WASF3: variants seen among roughly 807,000 people sequenced by gnomAD.
WASF3 encodes the protein actin-binding protein WASF3.
Under a neutral mutation model 46.6 loss-of-function variants are expected in WASF3, and 11 were observed. The observed-to-expected ratio is 0.24, with a 90% CI of 0.15 to 0.39. The LOEUF is 0.39. WASF3 is among the 10% of genes least tolerant of loss of function. WASF3 has a pLI of 1.00. For synonymous variants in WASF3, 242 were observed against 259.7 expected (o/e 0.93, Z 0.65); for missense variants, 576 against 669.8 (o/e 0.86, Z 1.55).
rs1027583148 is a variant in WASF3 at position 26,563,105 on chromosome 13, T to A, written c.-109+5286T>A. ...CTCCAGGTCGTGATGTCTTTGTGGCTGACTGTCCTCCTTTGCTGTCCTGTT... is the reference window on the plus strand; with the variant it reads ...CTCCAGGTCGTGATGTCTTTGTGGCAGACTGTCCTCCTTTGCTGTCCTGTT... On this transcript the variant is annotated intron_variant, in intron 1 of 9. Coordinates refer to ENST00000335327, the MANE Select transcript of WASF3 (RefSeq NM_006646.6). Among the ~76,000 whole-genome samples, 3 of 151,864 alleles carry A rather than the reference T, an allele frequency of 2.0e-5. No individual in the cohort carries two copies. The South Asian group carries it at 6.2e-4, about 32-fold the overall frequency.
At chr13:26,610,903 A>G (rs1005651950) in intron 1 of WASF3, among the ~76,000 whole-genome samples, 3 of 152,180 alleles carry the variant, frequency 2.0e-5, no homozygotes, top group South Asian at 2.1e-4. Context: ...CACAAAGTCT[A>G]GTTAATTCTT....
intron 1 of WASF3, among the ~76,000 whole-genome samples, chr13:26,562,528 G>A (rs560915978): frequency 6.6e-6 from 1 of 152,250 alleles, no homozygotes; most frequent in South Asian, 2.1e-4. Context: ...GGCAGATAAA[G>A]GGGGAACCCT....
At chr13:26,563,499 A>G (rs1879365211) in intron 1 of WASF3, among the ~76,000 whole-genome samples, 1 of 152,016 alleles carries the variant, frequency 6.6e-6, no homozygotes, top group Non-Finnish European at 1.5e-5. Flanking sequence ...TACTAAAAAT[A>G]CAAAAATTAG....
At chr13:26,645,186 A>C (rs1403225145) in intron 3 of WASF3, among the ~76,000 whole-genome samples, 1 of 152,150 alleles carries the variant, frequency 6.6e-6, no homozygotes, top group East Asian at 1.9e-4. Flanking sequence ...AGAGGTCATG[A>C]GGTGGAGTCC....
intron 2 of WASF3, among the ~76,000 whole-genome samples, chr13:26,615,651 A>G (rs1026659429): frequency 6.6e-6 from 1 of 152,188 alleles, no homozygotes; most frequent in Non-Finnish European, 1.5e-5. Flanking sequence ...TAATTGACAT[A>G]CAGTAAACTA....
In WASF3 at chr13:26,682,072, G is replaced by T. The variant is rs1014610945; in HGVS notation, c.984-535G>T. 1.3e-5 allele frequency among the ~76,000 whole-genome samples: 2 copies of T among 152,204 alleles called. No homozygotes were observed. The highest frequency in any genetic ancestry group is 2.9e-5 in the Non-Finnish European group (2 of 68,032). On this transcript the variant is annotated intron_variant, in intron 8 of 9. Coordinates refer to ENST00000335327, the MANE Select transcript of WASF3 (RefSeq NM_006646.6). This position sits in a 1 kb window ranked among gnomAD's most constrained non-coding sequence, Gnocchi z 4.4. ...TGAGGCTGTGTCAGGCCAAGAGAGG[G>T]CCCATGGTCCAGTTAGTTTGGAAGA...
chr13:26,590,087 AT>A (rs1178052856), intron 1 of WASF3, among the ~76,000 whole-genome samples: 1 of 152,186 alleles, frequency 6.6e-6, no homozygotes, highest in African/African-American at 2.4e-5. Flanking sequence ...TTCTAACAGT[AT>A]TTCTCATTAA....
At chr13:26,606,272 C>G (rs958194237) in intron 1 of WASF3, among the ~76,000 whole-genome samples, 3 of 151,986 alleles carry the variant, frequency 2.0e-5, no homozygotes, top group African/African-American at 7.3e-5. Context: ...GGAGCAAGTT[C>G]TCCATCTGGA....
chr13:26,608,410 G>A (rs1303785524), intron 1 of WASF3, among the ~76,000 whole-genome samples: 2 of 152,130 alleles, frequency 1.3e-5, no homozygotes, highest in Non-Finnish European at 2.9e-5. Flanking sequence ...AATGCACCTA[G>A]CTGAGAATGT....
chr13:26,605,806 AT>A (rs1394675899), intron 1 of WASF3, among the ~76,000 whole-genome samples: 1 of 152,168 alleles, frequency 6.6e-6, no homozygotes, highest in African/African-American at 2.4e-5. Flanking sequence ...CAACCTCTAA[AT>A]TTTTTTATTT....
intron 1 of WASF3, among the ~76,000 whole-genome samples, chr13:26,612,084 G>A (rs1049407224): frequency 4.6e-5 from 7 of 152,110 alleles, no homozygotes; most frequent in African/African-American, 1.7e-4. Flanking sequence ...CTTCTGGGCC[G>A]CTGTTCTCTC....
chr13:26,681,198 G>T lies in WASF3; in HGVS notation c.861G>T (p.Arg287=), dbSNP rs200452455. 6.2e-7 allele frequency: 1 copy of T among 1,613,942 alleles called. No individual in the cohort carries two copies. The change falls in exon 8 of 10, where the codon CGG becomes CGT. Residue 287 remains arginine, a synonymous_variant. Transcript: ENST00000335327. Reference sequence around the variant, plus strand: ...GCCAGGCTGCGGAGCATGAGTACCGGCCCCCATCTGCCTCGGCGAGGCACA... The same window carrying T: ...GCCAGGCTGCGGAGCATGAGTACCGTCCCCCATCTGCCTCGGCGAGGCACA... ...PASQAAEHEY[R]PPSASARHMA... is the part of the protein sequence containing the mutation.
At chr13:26,637,952 A>T (rs1175005351) in intron 2 of WASF3, among the ~76,000 whole-genome samples, 3 of 152,192 alleles carry the variant, frequency 2.0e-5, no homozygotes, top group African/African-American at 7.2e-5. Flanking sequence ...TTGATTAAGG[A>T]TATCACCTAT....
chr13:26,664,952 G>A (rs1005716826), intron 3 of WASF3, 76 bp from the exon 4 acceptor site: 5 of 1,458,438 alleles, frequency 3.4e-6, no homozygotes, highest in South Asian at 1.2e-5. Flanking sequence ...ACAGGAATAA[G>A]CACTGGTGAG....
At chr13:26,572,678 G>T (rs1433965963) in intron 1 of WASF3, among the ~76,000 whole-genome samples, 1 of 151,972 alleles carries the variant, frequency 6.6e-6, no homozygotes, top group Non-Finnish European at 1.5e-5. Context: ...CGATTCTGCC[G>T]AGTAGCTGAG....
At chr13:26,609,695 T>A (rs1243866433) in intron 1 of WASF3, 1 of 152,174 alleles carries the variant, frequency 6.6e-6, no homozygotes, top group Non-Finnish European at 1.5e-5. Flanking sequence ...AGGTCATTAT[T>A]TGGAACCTGA....
At chr13:26,651,048 A>G (rs1882299880) in intron 3 of WASF3, among the ~76,000 whole-genome samples, 1 of 152,224 alleles carries the variant, frequency 6.6e-6, no homozygotes, top group African/African-American at 2.4e-5. Flanking sequence ...TCCTGAAAGT[A>G]TAAAGAAAAC....
chr13:26,576,153 A>C (rs1879789463), intron 1 of WASF3, among the ~76,000 whole-genome samples: 1 of 151,596 alleles, frequency 6.6e-6, no homozygotes, highest in Admixed American at 6.6e-5. Context: ...GACCCTTTAT[A>C]CTTCTTTTTA....
chr13:26,593,396 A>T (rs923290909), intron 1 of WASF3, among the ~76,000 whole-genome samples: 5 of 151,506 alleles, frequency 3.3e-5, no homozygotes, highest in Non-Finnish European at 7.4e-5. Context: ...TAAAGTGTCC[A>T]CTCTGTTTAT....
Sources: gnomAD v4.1 joint callset for allele counts (sites outside exome capture counted in the v4.1 genomes callset) on GRCh38, gnomAD v4.1.1 for gene constraint, Gnocchi (gnomAD v3.1) non-coding constraint, MANE v1.5 for transcripts, NCBI Gene and HGNC (gene_info 2026-07-23, HGNC 2026-07-21) for gene names.